Variants in PACRG observed in about 807,000 individuals in gnomAD.
PACRG encodes parkin coregulated gene protein.
Under a neutral mutation model 29.7 loss-of-function variants are expected in PACRG, and 29 were observed. That is an observed-to-expected ratio of 0.98 (90% confidence interval 0.73 to 1.33). PACRG has a LOEUF of 1.33. PACRG is among the 40% of genes most tolerant of loss of function. The pLI, the probability that PACRG is intolerant of heterozygous loss-of-function variation, is 0.00. For synonymous variants in PACRG, 116 were observed against 118.7 expected, an observed-to-expected ratio of 0.98 and a Z score of 0.15; for missense variants, 279 against 316.2, an observed-to-expected ratio of 0.88 and a Z score of 0.89.
At chr6:163,265,510 C>T (rs13220802) in intron 4 of PACRG, among the ~76,000 whole-genome samples, 37,143 of 152,008 alleles carry the variant, frequency 0.24, 4,917 homozygotes, top group Admixed American at 0.33. Flanking sequence ...TTACTACCTT[C>T]GGTGATTGTT....
At position 162,858,968 on chromosome 6, in the gene PACRG, C is replaced by G. The variant is rs1584566268; in HGVS notation, c.291+44687C>G. Among the ~76,000 whole-genome samples the G allele has an allele frequency of 3.9e-5, 6 of 152,278 alleles. No individual in the cohort carries two copies. In the South Asian group the frequency reaches 1.0e-3, roughly 26 times the overall value. On this transcript the variant is annotated intron_variant, in intron 2 of 4. Coordinates refer to ENST00000366888, the MANE Select transcript of PACRG (RefSeq NM_001080379.2). The stretch of plus-strand genomic sequence containing the variant: ...AGGAAAAGTCACAGAGACCCTCCTG[C>G]TTCTGCGGCGTTTTCCATTTTCTTG...
At chr6:163,097,668 G>A (rs982994227) in intron 4 of PACRG, among the ~76,000 whole-genome samples, 8 of 152,118 alleles carry the variant, frequency 5.3e-5, no homozygotes, top group African/African-American at 1.9e-4. Context: ...GAAGGGCGGT[G>A]GTTTACAGGT....
chr6:163,096,658 T>A (rs1345696900), intron 4 of PACRG, among the ~76,000 whole-genome samples: 1 of 152,054 alleles, frequency 6.6e-6, no homozygotes, highest in Non-Finnish European at 1.5e-5. Context: ...TATAAGAAGG[T>A]CATTTTTCAG....
At chr6:162,920,064 T>A (rs994563973) in intron 2 of PACRG, among the ~76,000 whole-genome samples, 5 of 152,130 alleles carry the variant, frequency 3.3e-5, no homozygotes, top group South Asian at 4.1e-4. Flanking sequence ...TCACTCACAA[T>A]CTCATCATTC....
At chr6:163,192,004 G>A (rs1562957100) in intron 4 of PACRG, 2 of 285,880 alleles carry the variant, frequency 7.0e-6, no homozygotes, top group South Asian at 3.2e-5. Context: ...ATTGATTTCA[G>A]TTAATTCAGT....
rs534589134 is a variant in PACRG, at chr6:162,982,400, CTATT to C, written c.292-79748_292-79745del. 1.5e-3 allele frequency among the ~76,000 whole-genome samples: 234 copies of C among 151,682 alleles called. 1 individual carries two copies. Among genetic ancestry groups the C allele is most frequent in the African/African-American group, 5.5e-3 (229 of 41,404 alleles). On this transcript the variant is annotated intron_variant, in intron 2 of 4. Transcript: ENST00000366888. ...TCCTTGAGGTGTGATGTTAAATTGT[CTATT>C]TGTGCTCTTTTAGACTTTGCGACGT...
chr6:162,959,393 C>A (rs532590069), intron 2 of PACRG, among the ~76,000 whole-genome samples: 2 of 152,064 alleles, frequency 1.3e-5, no homozygotes, highest in African/African-American at 4.8e-5. Context: ...GAAGGTCCAC[C>A]ACACGCACTC....
intron 4 of PACRG, among the ~76,000 whole-genome samples, chr6:163,172,848 A>C (rs1779152291): frequency 6.6e-6 from 1 of 152,276 alleles, no homozygotes; most frequent in African/African-American, 2.4e-5. Context: ...AATATCAAAG[A>C]TAGAAAGAGG....
intron 4 of PACRG, among the ~76,000 whole-genome samples, chr6:163,266,398 A>G (rs1159944174): frequency 6.6e-6 from 1 of 152,190 alleles, no homozygotes; most frequent in Non-Finnish European, 1.5e-5. Flanking sequence ...TTACTGGCTT[A>G]CTGTCCAGCA....
intron 4 of PACRG, among the ~76,000 whole-genome samples, chr6:163,280,377 T>A (rs1162912175): frequency 6.6e-6 from 1 of 152,034 alleles, no homozygotes; most frequent in African/African-American, 2.4e-5. Context: ...TTTGCCTGGA[T>A]TTCACTGCAT....
At chr6:162,787,580 G>GTATA (rs746185048) in intron 1 of PACRG, among the ~76,000 whole-genome samples, 87 of 69,110 alleles carry the variant, frequency 1.3e-3, no homozygotes, top group African/African-American at 4.6e-3. Context: ...GTGTGTGTGT[G>GTATA]TGTATATATA....
At chr6:162,973,979 T>C (rs1801746550) in intron 2 of PACRG, among the ~76,000 whole-genome samples, 1 of 152,176 alleles carries the variant, frequency 6.6e-6, no homozygotes, top group Non-Finnish European at 1.5e-5. Context: ...AAACACTCCT[T>C]TGTGATTATT....
chr6:162,986,411 C>T (rs1802894541), intron 2 of PACRG, among the ~76,000 whole-genome samples: 1 of 152,062 alleles, frequency 6.6e-6, no homozygotes, highest in African/African-American at 2.4e-5. Context: ...AAGCCAAATA[C>T]TTACAGCCTA....
At chr6:163,023,761 T>C (rs1422384769) in intron 2 of PACRG, among the ~76,000 whole-genome samples, 1 of 152,208 alleles carries the variant, frequency 6.6e-6, no homozygotes, top group Admixed American at 6.5e-5. Context: ...TTTTTAATAA[T>C]TGTCATTCCA....
At chr6:163,105,761 T>G (rs1354788110) in intron 4 of PACRG, among the ~76,000 whole-genome samples, 1 of 152,128 alleles carries the variant, frequency 6.6e-6, no homozygotes, top group African/African-American at 2.4e-5. Context: ...TCCTGTGACT[T>G]TAGTCAAATC....
chr6:162,797,393 C>T (rs1379872496), intron 1 of PACRG, among the ~76,000 whole-genome samples: 6 of 152,164 alleles, frequency 3.9e-5, no homozygotes, highest in African/African-American at 7.2e-5. Context: ...ATGAATCTTG[C>T]AGGTGCTTAT....
intron 4 of PACRG, among the ~76,000 whole-genome samples, chr6:163,200,969 G>T (rs73784529): frequency 0.014 from 2,137 of 152,242 alleles, 48 homozygotes; most frequent in African/African-American, 0.049. Context: ...GCACTGGGTG[G>T]GATCCGCAGA....
At chr6:162,897,466 G>A (rs889717554) in intron 2 of PACRG, among the ~76,000 whole-genome samples, 2 of 152,218 alleles carry the variant, frequency 1.3e-5, no homozygotes, top group Admixed American at 6.5e-5. Flanking sequence ...GTGAGGTAAT[G>A]CGATCCCAGC....
chr6:163,306,760 G>GTTGCTTTGTGATCA (rs1401224687), intron 4 of PACRG, among the ~76,000 whole-genome samples: 3 of 152,134 alleles, frequency 2.0e-5, no homozygotes, highest in African/African-American at 7.2e-5. Context: ...GAATTACATA[G>GTTGCTTTGTGATCA]TTGCTTTGTG....
Sources: allele counts gnomAD v4.1 joint callset (sites outside exome capture counted in the v4.1 genomes callset), GRCh38; gene constraint gnomAD v4.1.1; transcripts MANE v1.5; gene names NCBI Gene and HGNC (gene_info 2026-07-23, HGNC 2026-07-21).